CLNK: variants seen among roughly 807,000 people sequenced by gnomAD.
CLNK encodes cytokine dependent hematopoietic cell linker.
CLNK carries 74 observed loss-of-function variants against 68.6 expected under a neutral mutation model. The observed-to-expected ratio is 1.08, with a 90% CI of 0.89 to 1.31. The LOEUF (loss-of-function observed/expected upper bound fraction) is 1.31, where lower values mean the gene tolerates loss of function less well. CLNK is among the 50% of genes most tolerant of loss of function. The pLI is 0.00. For missense variants in CLNK, 553 were observed against 515.3 expected, an observed-to-expected ratio of 1.07 and a Z score of -0.71; for synonymous variants, 198 against 172.2, an observed-to-expected ratio of 1.15 and a Z score of -1.17.
chr4:10,607,250 G>A (rs1459250007), intron 2 of CLNK, among the ~76,000 whole-genome samples: 1 of 152,202 alleles, frequency 6.6e-6, no homozygotes, highest in African/African-American at 2.4e-5. Context: ...AACAAGGACA[G>A]GTGAGAAGGT....
At chr4:10,667,980 C>T in intron 1 of CLNK, 69 bp from the exon 2 acceptor site, 1 of 813,676 alleles carries the variant, frequency 1.2e-6, no homozygotes, top group Non-Finnish European at 1.9e-6. Context: ...GAACAAGCCA[C>T]TGTTGCTGCT....
chr4:10,699,504 A>C, the CLNK span, among the ~76,000 whole-genome samples: 27 of 25,750 alleles, frequency 1.0e-3, no homozygotes, highest in Non-Finnish European at 1.6e-3. Context: ...CTATATATAT[A>C]TATATATATT....
the CLNK span, among the ~76,000 whole-genome samples, chr4:10,723,971 G>A: frequency 6.6e-6 from 1 of 151,392 alleles, no homozygotes; most frequent in African/African-American, 2.4e-5. Flanking sequence ...GGATATATGA[G>A]TTTGCCCAGG....
At chr4:10,621,426 A>G (rs2720357) in intron 2 of CLNK, among the ~76,000 whole-genome samples, 103,037 of 152,022 alleles carry the variant, frequency 0.68, 36,042 homozygotes, top group East Asian at 0.77. Context: ...ATCAAAGAAA[A>G]CTAAGTATCA....
intron 18 of CLNK, among the ~76,000 whole-genome samples, chr4:10,492,985 A>G (rs1716645158): frequency 6.6e-6 from 1 of 152,180 alleles, no homozygotes; most frequent in African/African-American, 2.4e-5. Flanking sequence ...TTCCAATGAG[A>G]TAACCTATGT....
intron 8 of CLNK, among the ~76,000 whole-genome samples, chr4:10,555,493 A>G (rs1719633756): frequency 6.6e-6 from 1 of 152,238 alleles, no homozygotes; most frequent in Non-Finnish European, 1.5e-5. Flanking sequence ...TATTGTAAAT[A>G]CTTTGCCTCC....
the CLNK span, among the ~76,000 whole-genome samples, chr4:10,694,568 C>T: frequency 6.6e-6 from 1 of 152,062 alleles, no homozygotes; most frequent in Non-Finnish European, 1.5e-5. Flanking sequence ...GGTTTGTAGC[C>T]TAGGAACAAT....
chr4:10,537,906 T>C (rs1303067178), intron 11 of CLNK, among the ~76,000 whole-genome samples: 1 of 151,472 alleles, frequency 6.6e-6, no homozygotes, highest in Non-Finnish European at 1.5e-5. Context: ...ACGAAGATGG[T>C]TATTTTCTTC....
intron 15 of CLNK, 66 bp downstream of exon 15, chr4:10,520,725 A>C: frequency 8.0e-7 from 1 of 1,245,562 alleles, no homozygotes; most frequent in Non-Finnish European, 1.2e-6. Context: ...CAGCTAAGTC[A>C]CAGTGCCACA....
At chr4:10,523,044 C>T (rs892782553) in intron 14 of CLNK, among the ~76,000 whole-genome samples, 2 of 152,064 alleles carry the variant, frequency 1.3e-5, no homozygotes, top group African/African-American at 2.4e-5. Flanking sequence ...TATTAGAAGG[C>T]TAGTGCAATA....
At chr4:10,560,450 C>T (rs1038368996) in intron 7 of CLNK, among the ~76,000 whole-genome samples, 4 of 152,118 alleles carry the variant, frequency 2.6e-5, no homozygotes, top group African/African-American at 9.7e-5. Context: ...GACAGGGTCT[C>T]ACTCTGTCGC....
intron 5 of CLNK, 37 bp from the exon 6 acceptor site, chr4:10,566,187 G>A: frequency 6.2e-7 from 1 of 1,605,382 alleles, no homozygotes; most frequent in Non-Finnish European, 8.5e-7. Flanking sequence ...GTCAAAGGAA[G>A]GTACAATGTT....
At position 10,653,441 on chromosome 4, in the gene CLNK, A is replaced by C. The variant is rs368208660; in HGVS notation, c.11+14418T>G. 1.2e-4 allele frequency among the ~76,000 whole-genome samples: 18 copies of C among 152,326 alleles called. 1 individual carries two copies. In the East Asian group the frequency reaches 2.5e-3, roughly 21 times the overall value. ...GACTATTTTTTACAACTGCCATATG[A>C]TTAAGTTAGAAATCAGTGACAAGGT... On this transcript the variant is annotated intron_variant, in intron 2 of 18. Transcript: ENST00000226951.
At chr4:10,592,506 C>T (rs1342148808) in intron 3 of CLNK, among the ~76,000 whole-genome samples, 2 of 151,628 alleles carry the variant, frequency 1.3e-5, no homozygotes, top group Admixed American at 6.6e-5. Context: ...TCCTTCTCTC[C>T]CTATTGAAGT....
intron 3 of CLNK, among the ~76,000 whole-genome samples, chr4:10,596,111 C>T (rs530166022): frequency 4.6e-5 from 7 of 152,324 alleles, no homozygotes; most frequent in East Asian, 1.9e-4. Context: ...CCACAACCTC[C>T]GCCTCCCGGG....
Position 10,667,370 on chromosome 4 carries a change from C to T in CLNK, c.11+489G>A, listed in dbSNP as rs964901727. The stretch of plus-strand genomic sequence containing the variant: ...ATATTTCTTAAACTTTTGAGTCCTG[C>T]TAATTTTTTTTTTTTTTTTACTATA... On this transcript the variant is annotated intron_variant, in intron 2 of 18. Transcript: ENST00000226951. Among the ~76,000 whole-genome samples the T allele has an allele frequency of 3.4e-5, 3 of 87,208 alleles. No individual in the cohort carries two copies. The East Asian group carries it at 1.0e-3, about 30-fold the overall frequency. 57.2% of individuals were successfully genotyped at this position (87,208 alleles called of 152,430 possible).
At chr4:10,662,319 T>C (rs1413654141) in intron 2 of CLNK, among the ~76,000 whole-genome samples, 3 of 152,230 alleles carry the variant, frequency 2.0e-5, no homozygotes, top group African/African-American at 7.2e-5. Context: ...TTCGCCATGC[T>C]TGATCTAAAT....
intron 2 of CLNK, among the ~76,000 whole-genome samples, chr4:10,601,467 G>A (rs935101486): frequency 4.6e-5 from 7 of 152,198 alleles, no homozygotes; most frequent in Non-Finnish European, 1.0e-4. Flanking sequence ...GCATTACCAG[G>A]TCTCCCTGCC....
the CLNK span, among the ~76,000 whole-genome samples, chr4:10,708,693 C>T: frequency 6.6e-6 from 1 of 152,150 alleles, no homozygotes; most frequent in African/African-American, 2.4e-5. Context: ...GTCAGATTTT[C>T]ATTTTAAGAT....
Sources: allele counts gnomAD v4.1 joint callset (sites outside exome capture counted in the v4.1 genomes callset), GRCh38; gene constraint gnomAD v4.1.1; transcripts MANE v1.5; gene names NCBI Gene and HGNC (gene_info 2026-07-23, HGNC 2026-07-21).